The following PCDHGB6 variants were observed in gnomAD, a reference collection of about 807,000 sequenced individuals.
The protein encoded by PCDHGB6 is protocadherin gamma-B6.
PCDHGB6 carries 51 observed loss-of-function variants against 59.1 expected under a neutral mutation model. That is an observed-to-expected ratio of 0.86 (90% confidence interval 0.69 to 1.09). The LOEUF is 1.09. PCDHGB6 is among the 50% of genes least tolerant of loss of function. The probability of loss-of-function intolerance (pLI) is 0.00; values close to 1 mark genes in which losing one functional copy is unlikely to be tolerated. For synonymous variants in PCDHGB6, 466 were observed against 495.1 expected (o/e 0.94, Z 0.78); for missense variants, 1,148 against 1,205.1 (o/e 0.95, Z 0.70).
chr5:141,478,396 G>T (rs150499152), intron 1 of PCDHGB6: 2 of 1,613,446 alleles, frequency 1.2e-6, no homozygotes, highest in African/African-American at 2.7e-5. Flanking sequence ...ACCATCAGGT[G>T]TATCTCACCA....
At chr5:141,430,827 T>A in intron 1 of PCDHGB6, 1 of 1,551,000 alleles carries the variant, frequency 6.4e-7, no homozygotes, top group South Asian at 1.3e-5. Flanking sequence ...CTGGGGACTC[T>A]GTGGGAGACC....
At chr5:141,423,501 C>T (rs2096747990) in intron 1 of PCDHGB6, 1 of 1,613,990 alleles carries the variant, frequency 6.2e-7, no homozygotes, top group Non-Finnish European at 8.5e-7. Context: ...CCCACGAGGT[C>T]TCTCTCATTG....
chr5:141,427,546 C>T (rs779995777), intron 1 of PCDHGB6: 1 of 639,564 alleles, frequency 1.6e-6, no homozygotes, highest in South Asian at 1.5e-5. Context: ...GTCACCATCA[C>T]TGCCACTGAC....
At position 141,487,547 on chromosome 5, in the gene PCDHGB6, A is replaced by G. The variant is rs2099649592; in HGVS notation, c.2419-7260A>G. On this transcript the variant is annotated intron_variant, in intron 1 of 3. Coordinates refer to ENST00000520790, the MANE Select transcript of PCDHGB6 (RefSeq NM_018926.3). The surrounding 1 kb of genome is among the most constrained non-coding windows in gnomAD (Gnocchi z 5.0). ...TAGCTTCATGATGGTGAAGTCACCC[A>G]GTGCACCTATGGCAGGGGAGCCTGT... 2 of 1,614,216 alleles carry G rather than the reference A, an allele frequency of 1.2e-6. No individual in the cohort carries two copies. Among genetic ancestry groups the G allele is most frequent in the Non-Finnish European group, 8.5e-7 (1 of 1,180,046 alleles).
intron 1 of PCDHGB6, among the ~76,000 whole-genome samples, chr5:141,482,104 A>T (rs11748215): frequency 0.23 from 34,477 of 150,324 alleles, 4,798 homozygotes; most frequent in African/African-American, 0.39. Context: ...AAAAAAAAAA[A>T]ATATCTAGAG....
Position 141,408,367 on chromosome 5 carries a change from G to T in PCDHGB6, c.165G>T (p.Gly55=). The change falls in exon 1 of 4, where the codon GGG becomes GGT. Residue 55 remains glycine, a synonymous_variant. Coordinates refer to ENST00000520790, the MANE Select transcript of PCDHGB6 (RefSeq NM_018926.3). ...SVVGNLAKDL[G]LSVLDVSARK... is the part of the protein sequence containing the mutation. ...TGGGGAACCTCGCTAAGGATCTAGG[G>T]CTCAGTGTCCTGGATGTGTCGGCTC... 1 of 1,613,998 alleles carries T rather than the reference G, an allele frequency of 6.2e-7. No homozygotes were observed. Among genetic ancestry groups the T allele is most frequent in the Non-Finnish European group, 8.5e-7 (1 of 1,179,844 alleles).
intron 2 of PCDHGB6, among the ~76,000 whole-genome samples, chr5:141,501,528 A>G (rs1173385747): frequency 6.6e-6 from 1 of 151,978 alleles, no homozygotes; most frequent in Non-Finnish European, 1.5e-5. Context: ...GAAGCCCAGT[A>G]CGTTGTTGTG....
intron 1 of PCDHGB6, among the ~76,000 whole-genome samples, chr5:141,463,632 T>C (rs2099065676): frequency 6.6e-6 from 1 of 151,822 alleles, no homozygotes; most frequent in Admixed American, 6.6e-5. Flanking sequence ...GTATTTTGTT[T>C]AGTAGAGACG....
rs1028782991 is a variant in PCDHGB6, at chr5:141,503,926, C to T, written c.2478-1467C>T. 2.6e-5 allele frequency among the ~76,000 whole-genome samples: 4 copies of T among 152,196 alleles called. No individual in the cohort carries two copies. The East Asian group carries it at 7.7e-4, about 29-fold the overall frequency. ...ACACACAACGCAACACACACACAGA[C>T]ATTTTCATGCCTTCAAGGCCTACCC... On this transcript the variant is annotated intron_variant, in intron 2 of 3. Coordinates refer to ENST00000520790, the MANE Select transcript of PCDHGB6 (RefSeq NM_018926.3).
At position 141,470,736 on chromosome 5, in the gene PCDHGB6, C is replaced by T. The variant is rs541510544; in HGVS notation, c.2419-24071C>T. ...TTTTTGAGTCAGGGTCTTGCTCTGT[C>T]GCCCTGGCTGGAGTGCAGTGGACTC... On this transcript the variant is annotated intron_variant, in intron 1 of 3. Coordinates refer to ENST00000520790, the MANE Select transcript of PCDHGB6 (RefSeq NM_018926.3). Among the ~76,000 whole-genome samples, 104 of 152,208 alleles carry T rather than the reference C, an allele frequency of 6.8e-4. 2 individuals carry two copies. Among genetic ancestry groups the T allele is most frequent in the African/African-American group, 2.4e-3 (98 of 41,522 alleles).
Position 141,432,593 on chromosome 5 carries a change from A to G in PCDHGB6, c.2418+21973A>G, listed in dbSNP as rs2097518945. ...GCTGTCCTACCGTCTGCTCAAGGCC[A>G]GCGAGCCGGGACTCTTCTCGGTGGG... On this transcript the variant is annotated intron_variant, in intron 1 of 3. Transcript: ENST00000520790. The surrounding 1 kb of genome is among the most constrained non-coding windows in gnomAD (Gnocchi z 6.0). 6.2e-7 allele frequency: 1 copy of G among 1,612,958 alleles called. No individual in the cohort carries two copies. Among genetic ancestry groups the G allele is most frequent in the Non-Finnish European group, 8.5e-7 (1 of 1,179,834 alleles).
At chr5:141,419,246 GAAAACAACCAGCC>G (rs749331717) in intron 1 of PCDHGB6, 1 of 1,614,004 alleles carries the variant, frequency 6.2e-7, no homozygotes, top group South Asian at 1.1e-5. Flanking sequence ...CCACGTGCCA[GAAAACAACCAGCC>G]GGGTGCCTCC....
intron 1 of PCDHGB6, among the ~76,000 whole-genome samples, chr5:141,480,720 G>C (rs2099524423): frequency 6.6e-6 from 1 of 152,146 alleles, no homozygotes; most frequent in Non-Finnish European, 1.5e-5. Context: ...TGAAAGCACA[G>C]TCTCTGGGGG....
chr5:141,436,167 G>A (rs933669166), intron 1 of PCDHGB6, among the ~76,000 whole-genome samples: 2 of 152,088 alleles, frequency 1.3e-5, no homozygotes, highest in Non-Finnish European at 2.9e-5. Flanking sequence ...CATATGGACA[G>A]TTCTCATATA....
chr5:141,487,143 C>T lies in PCDHGB6; in HGVS notation c.2419-7664C>T. Reference sequence around the variant, plus strand: ...GATAGTGGTAGTCCACCACTCTCTACCTCTGTTACTCTCTTAGTGTCCTTA... The same window carrying T: ...GATAGTGGTAGTCCACCACTCTCTATCTCTGTTACTCTCTTAGTGTCCTTA... On this transcript the variant is annotated intron_variant, in intron 1 of 3. Coordinates refer to ENST00000520790, the MANE Select transcript of PCDHGB6 (RefSeq NM_018926.3). This position sits in a 1 kb window ranked among gnomAD's most constrained non-coding sequence, Gnocchi z 5.0. 1.2e-6 allele frequency: 2 copies of T among 1,614,028 alleles called. No homozygotes were observed. Among genetic ancestry groups the T allele is most frequent in the Non-Finnish European group, 1.7e-6 (2 of 1,179,862 alleles).
intron 1 of PCDHGB6, chr5:141,410,998 T>C: frequency 5.8e-6 from 1 of 173,396 alleles, no homozygotes; most frequent in South Asian, 1.4e-4. Context: ...GGATTACTGG[T>C]GCCCCTCACC....
chr5:141,510,986 G>A lies in PCDHGB6; in HGVS notation c.2606G>A (p.Gly869Asp), dbSNP rs754203270. The A allele has an allele frequency of 6.2e-7, 1 of 1,614,166 alleles. No individual in the cohort carries two copies. The highest frequency in any genetic ancestry group is 8.5e-7 in the Non-Finnish European group (1 of 1,180,012). The change falls in exon 4 of 4, where the codon GGC becomes GAC. Residue 869 changes from glycine to aspartate, a missense_variant. Physicochemically the swap from Gly to Asp is moderately conservative, Grantham distance 94. Around this residue, in one of 5 missense-constraint regions of PCDHGB6, gnomAD observed 283 missense variants for 318.6 expected, o/e 0.89. Transcript: ENST00000520790. ...DGSSTLGGGA[G>D]TMGLSARYGP... ...AGCTCCACCCTGGGAGGGGGTGCCG[G>A]CACCATGGGATTGAGCGCCCGCTAC... is the stretch of plus-strand genomic sequence containing the variant.
At chr5:141,453,652 T>C (rs1302902554) in intron 1 of PCDHGB6, among the ~76,000 whole-genome samples, 1 of 152,252 alleles carries the variant, frequency 6.6e-6, no homozygotes, top group Non-Finnish European at 1.5e-5. Context: ...TTATGTCCTC[T>C]TCTTTCTTAC....
intron 1 of PCDHGB6, chr5:141,423,674 C>A (rs57195665): frequency 0.087 from 131,432 of 1,514,090 alleles, 6,254 homozygotes; most frequent in East Asian, 0.14. Flanking sequence ...AGATTTATTT[C>A]TCTGCCTCCT....
Sources: gnomAD v4.1 joint callset for allele counts (sites outside exome capture counted in the v4.1 genomes callset) on GRCh38, gnomAD v4.1.1 for gene constraint, gnomAD v4.1.1 regional missense constraint, Gnocchi (gnomAD v3.1) non-coding constraint, MANE v1.5 for transcripts, NCBI Gene and HGNC (gene_info 2026-07-23, HGNC 2026-07-21) for gene names.